Variants in ZDHHC15 observed in about 807,000 individuals in gnomAD.
ZDHHC15 encodes palmitoyltransferase ZDHHC15.
ZDHHC15 carries 19 observed loss-of-function variants against 31.7 expected under a neutral mutation model. That is an observed-to-expected ratio of 0.60 (90% CI 0.42 to 0.88). The LOEUF (loss-of-function observed/expected upper bound fraction) is 0.88. Ranked by LOEUF, ZDHHC15 falls within the 40% of genes least tolerant of loss-of-function variation. The pLI, the probability that ZDHHC15 is intolerant of heterozygous loss-of-function variation, is 0.00. For synonymous variants in ZDHHC15, 103 were observed against 90.0 expected, an observed-to-expected ratio of 1.14 and a Z score of -0.82; for missense variants, 209 against 251.2, an observed-to-expected ratio of 0.83 and a Z score of 1.14.
At chrX:75,459,718 G>A (rs1035061029) in intron 3 of ZDHHC15, among the ~76,000 whole-genome samples, 11 of 111,886 alleles carry the variant, frequency 9.8e-5, no homozygotes, top group Admixed American at 1.9e-4. Context: ...GCAGTTCAGC[G>A]AACTCAGCCA....
chrX:75,450,409 T>C (rs1190777002), intron 4 of ZDHHC15, among the ~76,000 whole-genome samples: 1 of 111,820 alleles, frequency 8.9e-6, no homozygotes, highest in Non-Finnish European at 1.9e-5. Context: ...AGATTATGCA[T>C]GTTTTTGTAT....
intron 4 of ZDHHC15, among the ~76,000 whole-genome samples, chrX:75,436,887 G>T (rs2083859191): frequency 8.9e-6 from 1 of 112,110 alleles, no homozygotes; most frequent in Admixed American, 9.4e-5. Context: ...GTTTTGTTTT[G>T]TTTTGTCTTT....
chrX:75,496,251 G>T (rs929563902), intron 2 of ZDHHC15, among the ~76,000 whole-genome samples: 3 of 111,370 alleles, frequency 2.7e-5, no homozygotes, highest in Non-Finnish European at 5.7e-5. Flanking sequence ...ATTTAAAAAA[G>T]ACAAAGAGAG....
At chrX:75,490,368 C>T (rs1339049751) in intron 2 of ZDHHC15, among the ~76,000 whole-genome samples, 1 of 111,819 alleles carries the variant, frequency 8.9e-6, no homozygotes, top group African/African-American at 3.3e-5. Flanking sequence ...CAAAGGGGAG[C>T]CCATCAGACT....
At chrX:75,460,531 T>A (rs935277025) in intron 3 of ZDHHC15, among the ~76,000 whole-genome samples, 1 of 109,862 alleles carries the variant, frequency 9.1e-6, no homozygotes, top group Admixed American at 9.7e-5. Context: ...TATAGGTGCA[T>A]TTGGGCCAGA....
intron 2 of ZDHHC15, among the ~76,000 whole-genome samples, chrX:75,485,400 G>T (rs2084760961): frequency 9.0e-6 from 1 of 111,160 alleles, no homozygotes; most frequent in Non-Finnish European, 1.9e-5. Flanking sequence ...CAGGCTATAG[G>T]ATTGAAAGCT....
At chrX:75,497,226 A>G (rs2085015356) in intron 2 of ZDHHC15, among the ~76,000 whole-genome samples, 1 of 111,652 alleles carries the variant, frequency 9.0e-6, no homozygotes, top group African/African-American at 3.2e-5. Flanking sequence ...CACAAACTAG[A>G]AAACCTAGAG....
rs770841436 is a variant in ZDHHC15, at chrX:75,372,631, G to A, written c.*347C>T. On this transcript the variant is annotated 3_prime_UTR_variant, in exon 12 of 12. Coordinates refer to ENST00000373367, the MANE Select transcript of ZDHHC15 (RefSeq NM_144969.3). ...TTGTGGGGGAATTAAAGACTCTAAG[G>A]AAATTTTCTGAATTTCCTTTTACCT... is the stretch of plus-strand genomic sequence containing the variant. 1 of 111,002 alleles carries A rather than the reference G, an allele frequency of 9.0e-6. No homozygotes were observed. Among genetic ancestry groups the A allele is most frequent in the Non-Finnish European group, 1.9e-5 (1 of 52,967 alleles). 9.1% of individuals were successfully genotyped at this position (111,002 alleles called of 1,213,427 possible).
At chrX:75,410,210 G>A (rs1338561072) in intron 10 of ZDHHC15, among the ~76,000 whole-genome samples, 1 of 111,122 alleles carries the variant, frequency 9.0e-6, no homozygotes, top group Admixed American at 9.6e-5. Context: ...ATAGACAATT[G>A]GGATTACATA....
intron 1 of ZDHHC15, among the ~76,000 whole-genome samples, chrX:75,518,840 CACACACAA>C (rs2085405483): frequency 1.3e-5 from 1 of 76,498 alleles, no homozygotes; most frequent in African/African-American, 4.6e-5. Flanking sequence ...CACACACACA[CACACACAA>C]TAGACTATTA....
chrX:75,475,380 TTTAAG>T (rs2084587480), intron 3 of ZDHHC15, among the ~76,000 whole-genome samples: 1 of 111,913 alleles, frequency 8.9e-6, no homozygotes, highest in African/African-American at 3.2e-5. Context: ...TTGGATCTAT[TTTAAG>T]TTAATTTTTA....
At chrX:75,476,306 T>C (rs2084604221) in intron 3 of ZDHHC15, among the ~76,000 whole-genome samples, 1 of 110,956 alleles carries the variant, frequency 9.0e-6, no homozygotes, top group African/African-American at 3.3e-5. Flanking sequence ...CTTAAATATT[T>C]GATAGAATTC....
Position 75,522,892 on chromosome X carries a change from G to A in ZDHHC15, c.133C>T (p.Leu45=). 8.3e-7 allele frequency: 1 copy of A among 1,211,792 alleles called. No homozygotes were observed. Among genetic ancestry groups the A allele is most frequent in the Non-Finnish European group, 1.1e-6 (1 of 895,481 alleles). ...TTAGGTGCCCAGCCCCACTTACCCA[G>A]GCAGAGTTCAAAGACGTAGGCATAG... ...SYYAYVFELC[L]VTVLSPAEKV... The change falls in exon 1 of 12, where the codon CTG becomes TTG. Residue 45 remains leucine, a synonymous_variant. Coordinates refer to ENST00000373367, the MANE Select transcript of ZDHHC15 (RefSeq NM_144969.3).
intron 3 of ZDHHC15, among the ~76,000 whole-genome samples, chrX:75,466,720 G>T (rs1399282631): frequency 9.0e-6 from 1 of 111,208 alleles, no homozygotes; most frequent in African/African-American, 3.3e-5. Flanking sequence ...GCCATAAAAT[G>T]GAAGGAGATC....
chrX:75,475,112 G>A, intron 3 of ZDHHC15, among the ~76,000 whole-genome samples: 1 of 112,108 alleles, frequency 8.9e-6, no homozygotes, highest in Middle Eastern at 4.6e-3. Context: ...TTGTTTAGCT[G>A]TAGGTTTTAA....
chrX:75,494,449 A>G (rs1428586575), intron 2 of ZDHHC15, among the ~76,000 whole-genome samples: 4 of 110,814 alleles, frequency 3.6e-5, no homozygotes, highest in African/African-American at 1.3e-4. Flanking sequence ...AGTTCATATG[A>G]AAGAAAAAAG....
intron 10 of ZDHHC15, among the ~76,000 whole-genome samples, chrX:75,415,914 A>G: frequency 8.9e-6 from 1 of 112,140 alleles, no homozygotes; most frequent in Non-Finnish European, 1.9e-5. Flanking sequence ...CCAGGTAAAG[A>G]CCTGATAATT....
chrX:75,433,194 T>C (rs1215380873), intron 4 of ZDHHC15, among the ~76,000 whole-genome samples: 1 of 112,075 alleles, frequency 8.9e-6, no homozygotes, highest in African/African-American at 3.2e-5. Context: ...TAATCAAGCT[T>C]GCTCCTGTTT....
At chrX:75,451,789 A>T (rs1355434746) in intron 3 of ZDHHC15, among the ~76,000 whole-genome samples, 2 of 111,551 alleles carry the variant, frequency 1.8e-5, no homozygotes, top group Non-Finnish European at 3.8e-5. Flanking sequence ...CTCCTTTAGA[A>T]GTCTAATTTT....
Sources: allele counts gnomAD v4.1 joint callset (sites outside exome capture counted in the v4.1 genomes callset), GRCh38; gene constraint gnomAD v4.1.1; transcripts MANE v1.5; gene names NCBI Gene and HGNC (gene_info 2026-07-23, HGNC 2026-07-21).